Variants in CHN2 observed in about 807,000 individuals in gnomAD.
The protein encoded by CHN2 is chimerin 2.
In CHN2, 35 loss-of-function variants were observed where a neutral mutation model predicts 56.3. The ratio of observed to expected loss-of-function variants is 0.62; its 90% CI spans 0.47 to 0.82. The LOEUF is 0.82. Among genes scored for constraint, CHN2 ranks in the 40% least tolerant of loss-of-function variants. CHN2 has a pLI of 0.00. For missense variants in CHN2, 491 were observed against 580.5 expected (o/e 0.85, Z 1.58); for synonymous variants, 210 against 212.8 (o/e 0.99, Z 0.12).
At chr7:29,335,367 A>G (rs1796538371) in intron 1 of CHN2, among the ~76,000 whole-genome samples, 1 of 152,258 alleles carries the variant, frequency 6.6e-6, no homozygotes. Flanking sequence ...ACTAATTGGT[A>G]TAAATGGTCT....
intron 2 of CHN2, among the ~76,000 whole-genome samples, chr7:29,171,523 G>A (rs999239816): frequency 4.6e-5 from 7 of 152,128 alleles, no homozygotes; most frequent in South Asian, 2.1e-4. Context: ...ATTCAGCCCC[G>A]AGCTTTCTTT....
chr7:29,420,558 A>C (rs1804233159), intron 6 of CHN2, among the ~76,000 whole-genome samples: 1 of 152,228 alleles, frequency 6.6e-6, no homozygotes, highest in Non-Finnish European at 1.5e-5. Flanking sequence ...TTATACTAAG[A>C]CAAATACTGT....
intron 1 of CHN2, among the ~76,000 whole-genome samples, chr7:29,247,680 C>G (rs752717666): frequency 1.3e-5 from 2 of 152,240 alleles, no homozygotes; most frequent in Non-Finnish European, 2.9e-5. Flanking sequence ...TGGTGCCTCA[C>G]GAACCCTGCC....
At chr7:29,357,293 A>G (rs1222048343) in intron 2 of CHN2, among the ~76,000 whole-genome samples, 1 of 152,164 alleles carries the variant, frequency 6.6e-6, no homozygotes, top group Non-Finnish European at 1.5e-5. Flanking sequence ...GCATCTAGTG[A>G]TGTAGCTCTC....
chr7:29,491,340 G>T (rs1346012701), intron 7 of CHN2, among the ~76,000 whole-genome samples: 1 of 152,032 alleles, frequency 6.6e-6, no homozygotes, highest in African/African-American at 2.4e-5. Flanking sequence ...CTTTTCTATT[G>T]CATCTTTTTT....
At chr7:29,234,906 T>C (rs1180297118) in intron 1 of CHN2, among the ~76,000 whole-genome samples, 1 of 152,182 alleles carries the variant, frequency 6.6e-6, no homozygotes, top group Non-Finnish European at 1.5e-5. Flanking sequence ...GGTTTTTATC[T>C]CTGTATCAGG....
chr7:29,182,924 A>C (rs1400955222), intron 2 of CHN2, among the ~76,000 whole-genome samples: 1 of 152,150 alleles, frequency 6.6e-6, no homozygotes, highest in East Asian at 1.9e-4. Context: ...GAACAAAGAT[A>C]AACACTCAGC....
At chr7:29,434,118 TG>T (rs1163172176) in intron 6 of CHN2, among the ~76,000 whole-genome samples, 1 of 152,176 alleles carries the variant, frequency 6.6e-6, no homozygotes, top group African/African-American at 2.4e-5. Context: ...GATTAGGTGG[TG>T]GGGGTTTTGA....
At chr7:29,435,894 C>CTTTTTTTTTTTTTTT (rs57786505) in intron 6 of CHN2, among the ~76,000 whole-genome samples, 3 of 137,428 alleles carry the variant, frequency 2.2e-5, no homozygotes, top group Non-Finnish European at 1.6e-5. Flanking sequence ...GAAGCGCCTC[C>CTTTTTTTTTTTTTTT]TTTTTTTTTT....
intron 2 of CHN2, among the ~76,000 whole-genome samples, chr7:29,363,587 C>T (rs1347295208): frequency 1.3e-5 from 2 of 152,168 alleles, no homozygotes; most frequent in African/African-American, 4.8e-5. Flanking sequence ...CCTCAAAGAG[C>T]TTACATTTTA....
At chr7:29,496,452 A>G (rs1042955483) in intron 8 of CHN2, among the ~76,000 whole-genome samples, 3 of 152,046 alleles carry the variant, frequency 2.0e-5, no homozygotes, top group East Asian at 3.9e-4. Flanking sequence ...GCACCAGTTA[A>G]TCTCTATTTA....
At chr7:29,204,773 G>A (rs1028420630) in intron 1 of CHN2, among the ~76,000 whole-genome samples, 2 of 152,162 alleles carry the variant, frequency 1.3e-5, no homozygotes, top group African/African-American at 4.8e-5. Context: ...CGAGTCCTAT[G>A]CTTGCTTTAA....
chr7:29,239,256 C>T (rs1255819426), intron 1 of CHN2, among the ~76,000 whole-genome samples: 1 of 152,088 alleles, frequency 6.6e-6, no homozygotes, highest in Non-Finnish European at 1.5e-5. Flanking sequence ...ACTGTCTGGA[C>T]ATGGGGGTGA....
chr7:29,183,405 CTTGCTCTG>C (rs1324928205), intron 2 of CHN2, among the ~76,000 whole-genome samples: 3 of 141,632 alleles, frequency 2.1e-5, no homozygotes, highest in Admixed American at 7.2e-5. Flanking sequence ...GAGACAGGGT[CTTGCTCTG>C]TTGCCCAGGC....
chr7:29,326,129 A>AT (rs1795782273), intron 1 of CHN2, among the ~76,000 whole-genome samples: 1 of 151,190 alleles, frequency 6.6e-6, no homozygotes, highest in African/African-American at 2.4e-5. Flanking sequence ...TAGAGAAATT[A>AT]TTGTTTGTTT....
chr7:29,159,086 G>C (rs1300724919), intron 2 of CHN2, among the ~76,000 whole-genome samples: 1 of 152,162 alleles, frequency 6.6e-6, no homozygotes, highest in South Asian at 2.1e-4. Flanking sequence ...TCATTAGGTG[G>C]CTCTTCAGTG....
At chr7:29,362,789 CT>C (rs1447380364) in intron 2 of CHN2, among the ~76,000 whole-genome samples, 5 of 152,288 alleles carry the variant, frequency 3.3e-5, no homozygotes, top group Admixed American at 3.3e-4. Context: ...GAATAGCTTC[CT>C]CCTCTTCCCC....
At chr7:29,360,134 T>TAC (rs1368653018) in intron 2 of CHN2, among the ~76,000 whole-genome samples, 6 of 152,240 alleles carry the variant, frequency 3.9e-5, no homozygotes, top group Non-Finnish European at 8.8e-5. Flanking sequence ...TATACATACT[T>TAC]ACGCCTGAAA....
chr7:29,355,667 G>A (rs1308928438), intron 2 of CHN2, among the ~76,000 whole-genome samples: 1 of 151,106 alleles, frequency 6.6e-6, no homozygotes, highest in Admixed American at 6.6e-5. Flanking sequence ...CATTCCTAAC[G>A]AAGCTGCCAG....
Sources: allele counts gnomAD v4.1 joint callset (sites outside exome capture counted in the v4.1 genomes callset), GRCh38; gene constraint gnomAD v4.1.1; transcripts MANE v1.5; gene names NCBI Gene and HGNC (gene_info 2026-07-23, HGNC 2026-07-21).